Variants in FILIP1L observed in about 807,000 individuals in gnomAD.
FILIP1L encodes filamin A interacting protein 1 like.
A neutral mutation model predicts 96.6 loss-of-function variants in FILIP1L; 55 were observed. The ratio of observed to expected loss-of-function variants is 0.57; its 90% CI spans 0.46 to 0.71. The LOEUF is 0.71. Ranked by LOEUF, FILIP1L falls within the 30% of genes least tolerant of loss-of-function variation. The pLI, the probability that FILIP1L is intolerant of heterozygous loss-of-function variation, is 0.00. For missense variants in FILIP1L, 1,304 were observed against 1,321.2 expected (o/e 0.99, Z 0.20); for synonymous variants, 467 against 473.9 (o/e 0.99, Z 0.19).
In FILIP1L at chr3:99,981,871, G is replaced by A. The variant is rs78329667; in HGVS notation, c.-10-50841C>T. ...AGTCAAGCCACGGCCAGGCATGGTG[G>A]CTCACACCTGTAATCCCAGCAAGGC... On this transcript the variant is annotated intron_variant, in intron 1 of 5. Coordinates refer to ENST00000477258, the MANE Select transcript of FILIP1L (RefSeq NM_001387850.1). 6.4e-3 allele frequency among the ~76,000 whole-genome samples: 974 copies of A among 152,286 alleles called. 11 individuals carry two copies. The highest frequency in any genetic ancestry group is 9.8e-3 in the Non-Finnish European group (667 of 68,030).
intron 1 of FILIP1L, among the ~76,000 whole-genome samples, chr3:100,091,700 G>A (rs2066113110): frequency 6.6e-6 from 1 of 152,084 alleles, no homozygotes; most frequent in Non-Finnish European, 1.5e-5. Context: ...TCTCTGACAA[G>A]AATAAAAATA....
chr3:99,841,927 T>G (rs2107506887), intron 5 of FILIP1L, among the ~76,000 whole-genome samples: 1 of 152,268 alleles, frequency 6.6e-6, no homozygotes, highest in Middle Eastern at 3.4e-3. Flanking sequence ...GTGTGGAGAT[T>G]CCTTAAAGAA....
intron 1 of FILIP1L, among the ~76,000 whole-genome samples, chr3:100,054,284 A>T (rs1037123467): frequency 1.3e-5 from 2 of 152,268 alleles, no homozygotes; most frequent in Middle Eastern, 3.4e-3. Flanking sequence ...TTTTGAAAGA[A>T]CATGAGTTAG....
intron 1 of FILIP1L, among the ~76,000 whole-genome samples, chr3:100,088,931 A>C (rs910726007): frequency 6.6e-6 from 1 of 151,996 alleles, no homozygotes; most frequent in Non-Finnish European, 1.5e-5. Flanking sequence ...TGACTCAGAA[A>C]TTTTTCAGAA....
At chr3:99,898,451 A>G (rs1430226180) in intron 4 of FILIP1L, 1 of 152,262 alleles carries the variant, frequency 6.6e-6, no homozygotes, top group Non-Finnish European at 1.5e-5. Flanking sequence ...GAATTATGAC[A>G]TGCACCCACT....
chr3:99,856,888 T>G (rs1211719447), intron 4 of FILIP1L, among the ~76,000 whole-genome samples: 1 of 152,210 alleles, frequency 6.6e-6, no homozygotes, highest in Non-Finnish European at 1.5e-5. Flanking sequence ...ACATGGTATA[T>G]CTAAATGCTA....
At chr3:99,946,241 G>A (rs1011821886) in intron 1 of FILIP1L, among the ~76,000 whole-genome samples, 1 of 152,182 alleles carries the variant, frequency 6.6e-6, no homozygotes, top group Admixed American at 6.5e-5. Flanking sequence ...TATTGTGATT[G>A]ATAGCTTATA....
intron 1 of FILIP1L, among the ~76,000 whole-genome samples, chr3:99,950,854 A>T (rs1168130963): frequency 6.7e-6 from 1 of 150,310 alleles, no homozygotes; most frequent in African/African-American, 2.5e-5. Flanking sequence ...GAGTAAAAAT[A>T]AAGAGAGAGA....
chr3:100,101,694 T>C (rs2066308352), intron 1 of FILIP1L, among the ~76,000 whole-genome samples: 1 of 152,146 alleles, frequency 6.6e-6, no homozygotes, highest in Non-Finnish European at 1.5e-5. Context: ...TATGTATACA[T>C]GTGCCATGTT....
intron 5 of FILIP1L, among the ~76,000 whole-genome samples, chr3:99,831,816 T>A (rs1443085012): frequency 1.3e-5 from 2 of 152,242 alleles, no homozygotes; most frequent in Non-Finnish European, 2.9e-5. Flanking sequence ...TCAGAGTGAT[T>A]TCTTCAACTC....
At chr3:99,875,078 T>A (rs981292326) in intron 4 of FILIP1L, among the ~76,000 whole-genome samples, 1 of 152,250 alleles carries the variant, frequency 6.6e-6, no homozygotes, top group African/African-American at 2.4e-5. Context: ...TTACAATATA[T>A]GTTTAGACCA....
intron 4 of FILIP1L, among the ~76,000 whole-genome samples, chr3:99,897,000 T>C (rs931934893): frequency 6.6e-6 from 1 of 152,214 alleles, no homozygotes; most frequent in African/African-American, 2.4e-5. Flanking sequence ...CTAGAGAGAA[T>C]GATTTGTTTC....
intron 1 of FILIP1L, among the ~76,000 whole-genome samples, chr3:100,053,538 T>C (rs1416933597): frequency 6.6e-6 from 1 of 152,192 alleles, no homozygotes; most frequent in African/African-American, 2.4e-5. Flanking sequence ...CTAATCCAGT[T>C]TGACCTCATC....
chr3:100,061,338 G>A lies in FILIP1L; in HGVS notation c.-11+52715C>T, dbSNP rs146026357. ...AGTTGGGGCCAAGCACATGACATTC[G>A]AAAATCTTCACAGGTGGTTGAGGAC... is the stretch of plus-strand genomic sequence containing the variant. On this transcript the variant is annotated intron_variant, in intron 1 of 5. Coordinates refer to ENST00000477258, the MANE Select transcript of FILIP1L (RefSeq NM_001387850.1). Among the ~76,000 whole-genome samples the A allele has an allele frequency of 3.0e-3, 453 of 152,286 alleles. 1 individual carries two copies. The highest frequency in any genetic ancestry group is 0.01 in the African/African-American group (419 of 41,556).
intron 1 of FILIP1L, among the ~76,000 whole-genome samples, chr3:100,053,129 A>G (rs962977677): frequency 3.9e-5 from 6 of 152,144 alleles, no homozygotes; most frequent in African/African-American, 9.7e-5. Context: ...TATTGCTCCA[A>G]TTTGGGGCAT....
intron 1 of FILIP1L, among the ~76,000 whole-genome samples, chr3:99,986,284 G>A (rs921306607): frequency 6.6e-6 from 1 of 152,142 alleles, no homozygotes; most frequent in Non-Finnish European, 1.5e-5. Context: ...AGGAACAGGT[G>A]TTTTTTCATG....
chr3:100,100,944 G>A (rs1245945401), intron 1 of FILIP1L, among the ~76,000 whole-genome samples: 1 of 152,136 alleles, frequency 6.6e-6, no homozygotes, highest in African/African-American at 2.4e-5. Context: ...TTGTGTGTTA[G>A]TGGTCAGTTT....
chr3:100,102,711 G>A (rs2066330695), intron 1 of FILIP1L, among the ~76,000 whole-genome samples: 2 of 152,046 alleles, frequency 1.3e-5, no homozygotes, highest in South Asian at 4.1e-4. Context: ...ATGACCCCAG[G>A]GACACTGTGC....
chr3:100,067,915 C>T (rs1458483827), intron 1 of FILIP1L, among the ~76,000 whole-genome samples: 1 of 152,040 alleles, frequency 6.6e-6, no homozygotes, highest in African/African-American at 2.4e-5. Flanking sequence ...CAAAGCTTTC[C>T]CTACCCTACC....
Sources: allele counts gnomAD v4.1 joint callset (sites outside exome capture counted in the v4.1 genomes callset), GRCh38; gene constraint gnomAD v4.1.1; transcripts MANE v1.5; gene names NCBI Gene and HGNC (gene_info 2026-07-23, HGNC 2026-07-21).